Variants in DACH2 observed in about 807,000 individuals in gnomAD.
DACH2 encodes the protein dachshund homolog 2.
Under a neutral mutation model 35.8 loss-of-function variants are expected in DACH2, and 17 were observed. The ratio of observed to expected loss-of-function variants is 0.48; its 90% confidence interval spans 0.33 to 0.71. The LOEUF (loss-of-function observed/expected upper bound fraction) is 0.71. DACH2 is among the 30% of genes least tolerant of loss of function. The pLI is 0.02. For synonymous variants in DACH2, 195 were observed against 177.3 expected (o/e 1.10, Z -0.79); for missense variants, 469 against 472.7 (o/e 0.99, Z 0.07).
chrX:86,692,376 C>T (rs1273213353), intron 4 of DACH2, among the ~76,000 whole-genome samples: 1 of 110,889 alleles, frequency 9.0e-6, no homozygotes, highest in Non-Finnish European at 1.9e-5. Flanking sequence ...CCACCCGCCC[C>T]ACCTTTTCTG....
chrX:86,820,645 A>G (rs1428659712), intron 11 of DACH2, among the ~76,000 whole-genome samples: 2 of 111,292 alleles, frequency 1.8e-5, no homozygotes, highest in African/African-American at 3.3e-5. Flanking sequence ...TCATTTTAAC[A>G]TCTATTATAA....
In DACH2 at chrX:86,609,012, C is replaced by G. The variant is rs185440421; in HGVS notation, c.641-42024C>G. ...CTTGTGCTTGGATACTGATAACTTT[C>G]TTTTGGTTTGGGAAGTTCTCTGTTA... On this transcript the variant is annotated intron_variant, in intron 3 of 11. Transcript: ENST00000373125. Among the ~76,000 whole-genome samples, 40 of 111,224 alleles carry G rather than the reference C, an allele frequency of 3.6e-4. No homozygotes were observed. The East Asian group carries it at 9.6e-3, about 27-fold the overall frequency.
chrX:86,280,876 G>T (rs753246761), intron 1 of DACH2, among the ~76,000 whole-genome samples: 3 of 111,638 alleles, frequency 2.7e-5, no homozygotes, highest in Non-Finnish European at 3.8e-5. Flanking sequence ...GATGGTAAAG[G>T]GATCAATGCA....
At chrX:86,662,790 T>G (rs767286368) in intron 4 of DACH2, among the ~76,000 whole-genome samples, 1 of 111,777 alleles carries the variant, frequency 8.9e-6, no homozygotes, top group African/African-American at 3.2e-5. Flanking sequence ...TCTTCTCTTC[T>G]GGCTTACTAT....
chrX:86,209,540 G>A (rs189974992), intron 1 of DACH2, among the ~76,000 whole-genome samples: 108 of 111,535 alleles, frequency 9.7e-4, no homozygotes, highest in Non-Finnish European at 1.1e-3. Context: ...CTTTGTAGTA[G>A]GCTGATTTAT....
chrX:86,542,116 C>A (rs769889785), intron 3 of DACH2, among the ~76,000 whole-genome samples: 1 of 111,346 alleles, frequency 9.0e-6, no homozygotes, highest in Admixed American at 9.6e-5. Flanking sequence ...CTTTTATGGT[C>A]TGCTTTTTAT....
intron 2 of DACH2, among the ~76,000 whole-genome samples, chrX:86,409,566 T>C (rs1158731301): frequency 1.8e-5 from 2 of 110,776 alleles, no homozygotes; most frequent in Non-Finnish European, 3.8e-5. Flanking sequence ...GCTCCTACAT[T>C]CACCATGTGA....
intron 5 of DACH2, among the ~76,000 whole-genome samples, chrX:86,697,284 C>A (rs1025328755): frequency 1.8e-5 from 2 of 111,314 alleles, no homozygotes; most frequent in African/African-American, 6.5e-5. Context: ...CTATTTATGA[C>A]AGGTTCTCTA....
intron 1 of DACH2, among the ~76,000 whole-genome samples, chrX:86,299,507 C>A (rs1261960084): frequency 8.9e-6 from 1 of 111,738 alleles, no homozygotes; most frequent in African/African-American, 3.3e-5. Context: ...TTTCTTTTTG[C>A]ATCTCATAAA....
At chrX:86,812,406 A>C (rs1381765281) in intron 7 of DACH2, among the ~76,000 whole-genome samples, 1 of 111,913 alleles carries the variant, frequency 8.9e-6, no homozygotes, top group East Asian at 2.8e-4. Context: ...TTTACTAAAA[A>C]TGAAGTGTAT....
chrX:86,293,930 T>C (rs774591477), intron 1 of DACH2, among the ~76,000 whole-genome samples: 1 of 111,200 alleles, frequency 9.0e-6, no homozygotes, highest in East Asian at 2.9e-4. Flanking sequence ...AGGAGTATCT[T>C]TGTGGCATTC....
At chrX:86,630,652 C>A (rs1186105350) in intron 3 of DACH2, among the ~76,000 whole-genome samples, 1 of 109,908 alleles carries the variant, frequency 9.1e-6, no homozygotes, top group African/African-American at 3.3e-5. Context: ...TGCTTTTAAT[C>A]TTTTAACAAT....
chrX:86,524,696 T>A (rs2038605913), intron 3 of DACH2, among the ~76,000 whole-genome samples: 1 of 111,742 alleles, frequency 8.9e-6, no homozygotes, highest in Admixed American at 9.6e-5. Flanking sequence ...AGTATATTTA[T>A]TTTAACTTAA....
chrX:86,305,317 A>G (rs1344165113), intron 1 of DACH2, among the ~76,000 whole-genome samples: 3 of 112,003 alleles, frequency 2.7e-5, no homozygotes, highest in African/African-American at 6.5e-5. Context: ...ACAACATGTG[A>G]AATTTTCTCC....
At chrX:86,757,666 G>A (rs986621644) in intron 7 of DACH2, among the ~76,000 whole-genome samples, 2 of 111,488 alleles carry the variant, frequency 1.8e-5, no homozygotes, top group East Asian at 2.8e-4. Context: ...TCATAATGGC[G>A]TATGAGTTCT....
intron 3 of DACH2, among the ~76,000 whole-genome samples, chrX:86,586,480 C>A (rs1236911545): frequency 1.8e-5 from 2 of 111,409 alleles, no homozygotes; most frequent in Non-Finnish European, 3.8e-5. Context: ...CATCATGAAA[C>A]CTTTGCCAGG....
intron 7 of DACH2, among the ~76,000 whole-genome samples, chrX:86,758,311 T>C (rs1389364822): frequency 6.3e-5 from 7 of 111,811 alleles, no homozygotes; most frequent in African/African-American, 2.3e-4. Flanking sequence ...TTGAGGTGTA[T>C]CAATTAATTG....
intron 2 of DACH2, among the ~76,000 whole-genome samples, chrX:86,398,520 G>T (rs2036349345): frequency 9.0e-6 from 1 of 111,301 alleles, no homozygotes; most frequent in Admixed American, 9.5e-5. Context: ...TTCTCCTGTG[G>T]GCATTTAATG....
At chrX:86,726,814 CT>C (rs1343521378) in intron 6 of DACH2, among the ~76,000 whole-genome samples, 1 of 111,906 alleles carries the variant, frequency 8.9e-6, no homozygotes, top group African/African-American at 3.3e-5. Flanking sequence ...TTCTCCGTTA[CT>C]TTTTCCCCAT....
Sources: gnomAD v4.1 joint callset for allele counts (sites outside exome capture counted in the v4.1 genomes callset) on GRCh38, gnomAD v4.1.1 for gene constraint, MANE v1.5 for transcripts, NCBI Gene and HGNC (gene_info 2026-07-23, HGNC 2026-07-21) for gene names.